Variants in PDE10A observed in about 807,000 individuals in gnomAD.
PDE10A encodes phosphodiesterase 10A.
PDE10A carries 39 observed loss-of-function variants against 97.7 expected under a neutral mutation model. The ratio of observed to expected loss-of-function variants is 0.40; its 90% confidence interval spans 0.31 to 0.52. PDE10A has a LOEUF of 0.52. Among genes scored for constraint, PDE10A ranks in the 20% least tolerant of loss-of-function variants. PDE10A has a pLI of 0.56. For missense variants in PDE10A, 731 were observed against 1,047.8 expected, an observed-to-expected ratio of 0.70 and a Z score of 4.17; for synonymous variants, 371 against 376.8, an observed-to-expected ratio of 0.98 and a Z score of 0.18.
intron 1 of PDE10A, among the ~76,000 whole-genome samples, chr6:165,864,554 G>C (rs895882259): frequency 6.6e-6 from 1 of 152,164 alleles, no homozygotes; most frequent in Admixed American, 6.5e-5. Context: ...ATTTAACAAA[G>C]AATTTTAAGT....
chr6:165,547,945 C>T (rs1455787679), intron 1 of PDE10A, among the ~76,000 whole-genome samples: 3 of 152,124 alleles, frequency 2.0e-5, no homozygotes, highest in Admixed American at 6.5e-5. Context: ...ACAAATTCAA[C>T]TTTCTTTTTC....
At chr6:165,831,917 A>G (rs1172789805) in intron 1 of PDE10A, among the ~76,000 whole-genome samples, 1 of 152,028 alleles carries the variant, frequency 6.6e-6, no homozygotes, top group Admixed American at 6.6e-5. Flanking sequence ...TACGTCTTCT[A>G]CTCCTCCAGA....
chr6:165,812,362 A>C (rs1435619531), intron 1 of PDE10A, among the ~76,000 whole-genome samples: 1 of 152,260 alleles, frequency 6.6e-6, no homozygotes, highest in Non-Finnish European at 1.5e-5. Flanking sequence ...GTTTAAACAA[A>C]AAATAACTTT....
chr6:165,360,078 A>G (rs1160411678), intron 18 of PDE10A, among the ~76,000 whole-genome samples: 1 of 152,210 alleles, frequency 6.6e-6, no homozygotes, highest in African/African-American at 2.4e-5. Flanking sequence ...TTTGTTCCAC[A>G]GTGTGGTCCA....
At chr6:165,962,465 T>G (rs1169893411) in intron 1 of PDE10A, among the ~76,000 whole-genome samples, 1 of 152,202 alleles carries the variant, frequency 6.6e-6, no homozygotes, top group Non-Finnish European at 1.5e-5. Flanking sequence ...TCAGCTTCGC[T>G]CGGCTGCAGA....
At chr6:165,714,494 C>A (rs990333285) in intron 1 of PDE10A, among the ~76,000 whole-genome samples, 1 of 152,226 alleles carries the variant, frequency 6.6e-6, no homozygotes, top group African/African-American at 2.4e-5. Context: ...CGACACTCAG[C>A]TGCAGATCAA....
chr6:165,723,736 T>C (rs1023608447), intron 1 of PDE10A, among the ~76,000 whole-genome samples: 1 of 152,254 alleles, frequency 6.6e-6, no homozygotes, highest in Non-Finnish European at 1.5e-5. Flanking sequence ...ATCTCATTTT[T>C]AGCTCTGTTT....
intron 1 of PDE10A, among the ~76,000 whole-genome samples, chr6:165,634,435 G>T (rs1014434227): frequency 7.2e-5 from 11 of 152,050 alleles, no homozygotes; most frequent in African/African-American, 1.9e-4. Flanking sequence ...GTAAAACAAA[G>T]GTAACACACT....
At chr6:165,472,064 T>C (rs562036618) in intron 3 of PDE10A, among the ~76,000 whole-genome samples, 30 of 152,190 alleles carry the variant, frequency 2.0e-4, no homozygotes, top group Non-Finnish European at 4.3e-4. Flanking sequence ...CTTCATATAA[T>C]GTAGAAATTT....
intron 13 of PDE10A, among the ~76,000 whole-genome samples, chr6:165,411,438 A>G (rs1654194963): frequency 6.6e-6 from 1 of 152,178 alleles, no homozygotes; most frequent in South Asian, 2.1e-4. Flanking sequence ...ACACAGAGAC[A>G]GCAGAAACCA....
intron 1 of PDE10A, among the ~76,000 whole-genome samples, chr6:165,844,158 G>C (rs1260200790): frequency 6.6e-6 from 1 of 152,204 alleles, no homozygotes; most frequent in Non-Finnish European, 1.5e-5. Context: ...TCCCCCTGGA[G>C]GAGGGTACAA....
intron 1 of PDE10A, among the ~76,000 whole-genome samples, chr6:165,979,725 A>G (rs1313647286): frequency 6.6e-6 from 1 of 152,070 alleles, no homozygotes; most frequent in Non-Finnish European, 1.5e-5. Context: ...CACCACTCCC[A>G]CTCTTTGAGA....
intron 1 of PDE10A, among the ~76,000 whole-genome samples, chr6:165,932,910 A>G (rs1783185264): frequency 6.6e-6 from 1 of 152,332 alleles, no homozygotes; most frequent in South Asian, 2.1e-4. Flanking sequence ...CCCTCCAAGG[A>G]GACCAGGCAG....
At chr6:165,817,749 T>C (rs546994971) in intron 1 of PDE10A, among the ~76,000 whole-genome samples, 3 of 152,282 alleles carry the variant, frequency 2.0e-5, no homozygotes, top group African/African-American at 7.2e-5. Flanking sequence ...TGACTGTCAA[T>C]GAGTTTAGAA....
At chr6:165,700,967 C>T (rs547306434) in intron 1 of PDE10A, among the ~76,000 whole-genome samples, 12 of 152,256 alleles carry the variant, frequency 7.9e-5, no homozygotes, top group African/African-American at 2.6e-4. Context: ...ATGTCTGATA[C>T]GTGCATACCT....
chr6:165,513,473 C>G (rs1377357827), intron 2 of PDE10A, among the ~76,000 whole-genome samples: 1 of 152,024 alleles, frequency 6.6e-6, no homozygotes, highest in Non-Finnish European at 1.5e-5. Flanking sequence ...AATGCAAATC[C>G]TTCATATTGA....
intron 1 of PDE10A, among the ~76,000 whole-genome samples, chr6:165,904,803 A>T (rs1468463819): frequency 6.6e-6 from 1 of 152,196 alleles, no homozygotes; most frequent in Non-Finnish European, 1.5e-5. Context: ...TTACTCAGAA[A>T]GATTCAAATC....
chr6:165,501,378 G>A (rs1014359791), intron 2 of PDE10A, among the ~76,000 whole-genome samples: 1 of 152,084 alleles, frequency 6.6e-6, no homozygotes, highest in Non-Finnish European at 1.5e-5. Context: ...TGGCTAACAC[G>A]GTGAAACCCC....
chr6:165,790,938 A>G (rs560155677), intron 1 of PDE10A, among the ~76,000 whole-genome samples: 85 of 152,248 alleles, frequency 5.6e-4, no homozygotes, highest in African/African-American at 2.0e-3. Context: ...ACAGTTGTAC[A>G]GCAGGCCTGC....
Sources: allele counts gnomAD v4.1 joint callset (sites outside exome capture counted in the v4.1 genomes callset), GRCh38; gene constraint gnomAD v4.1.1; transcripts MANE v1.5; gene names NCBI Gene and HGNC (gene_info 2026-07-23, HGNC 2026-07-21).